DLGAP1: variants seen among roughly 807,000 people sequenced by gnomAD.
DLGAP1 encodes DLG associated protein 1.
In DLGAP1, 11 loss-of-function variants were observed where a neutral mutation model predicts 90.8. The observed-to-expected ratio is 0.12, with a 90% CI of 0.08 to 0.20. DLGAP1 has a LOEUF of 0.20. DLGAP1 is among the 10% of genes least tolerant of loss of function. The pLI, the probability that DLGAP1 is intolerant of heterozygous loss-of-function variation, is 1.00. For synonymous variants in DLGAP1, 558 were observed against 540.7 expected, an observed-to-expected ratio of 1.03 and a Z score of -0.44; for missense variants, 1,050 against 1,333.8, an observed-to-expected ratio of 0.79 and a Z score of 3.31.
chr18:3,894,962 G>A (rs1207070135), intron 3 of DLGAP1, among the ~76,000 whole-genome samples: 1 of 152,104 alleles, frequency 6.6e-6, no homozygotes, highest in Admixed American at 6.6e-5. Context: ...CTTATGTAAG[G>A]GAACTATACG....
intron 2 of DLGAP1, among the ~76,000 whole-genome samples, chr18:4,043,394 T>C (rs2075004143): frequency 6.6e-6 from 1 of 152,212 alleles, no homozygotes; most frequent in African/African-American, 2.4e-5. Flanking sequence ...TGGGCAGATG[T>C]CTTTCTGTAT....
At position 3,600,851 on chromosome 18, in the gene DLGAP1, T is replaced by G. The variant is rs1410400799; in HGVS notation, c.1592-18603A>C. On this transcript the variant is annotated intron_variant, in intron 7 of 12. Coordinates refer to ENST00000315677, the MANE Select transcript of DLGAP1 (RefSeq NM_004746.4). ...AGATATATATAGATATATATAGATA[T>G]ATAGATATATATAGATATATAGATA... Among the ~76,000 whole-genome samples, 17 of 69,566 alleles carry G rather than the reference T, an allele frequency of 2.4e-4. 2 individuals carry two copies. The highest frequency in any genetic ancestry group is 1.1e-3 in the African/African-American group (16 of 14,944). The allele number at this position is 69,566 out of a possible 152,430, so 45.6% of individuals were successfully genotyped here. A position where few individuals can be genotyped will look rare whatever the true frequency, so the allele number is the denominator to read the frequency against.
intron 7 of DLGAP1, among the ~76,000 whole-genome samples, chr18:3,625,324 T>C (rs1656794906): frequency 6.6e-6 from 1 of 152,152 alleles, no homozygotes; most frequent in African/African-American, 2.4e-5. Flanking sequence ...TGAGAGGTTG[T>C]GTGTGTGTTT....
chr18:4,214,033 C>T (rs755346868), intron 1 of DLGAP1, among the ~76,000 whole-genome samples: 1 of 151,960 alleles, frequency 6.6e-6, no homozygotes, highest in African/African-American at 2.4e-5. Context: ...GAGGAGTCAT[C>T]GCTACAGAAG....
chr18:3,566,565 G>C (rs746057372), intron 9 of DLGAP1, among the ~76,000 whole-genome samples: 2 of 151,934 alleles, frequency 1.3e-5, no homozygotes, highest in South Asian at 4.2e-4. Context: ...TTCAGTTTAC[G>C]TTACATGTAG....
intron 1 of DLGAP1, among the ~76,000 whole-genome samples, chr18:4,377,490 TCTCA>T (rs1431764313): frequency 6.6e-6 from 1 of 152,200 alleles, no homozygotes; most frequent in African/African-American, 2.4e-5. Context: ...TGTATTTTGA[TCTCA>T]CTGAGATGAA....
rs540032966 is a variant in DLGAP1, at chr18:4,058,730, C to A, written c.-158-53529G>T. ...TTCTCCCACTTCCTCCTGTAGCCTC[C>A]GTTTCTCTAATAATGTCCATGCCCT... On this transcript the variant is annotated intron_variant, in intron 2 of 12. Transcript: ENST00000315677. 1.2e-4 allele frequency among the ~76,000 whole-genome samples: 19 copies of A among 152,286 alleles called. No individual in the cohort carries two copies. In the South Asian group the frequency reaches 3.7e-3, roughly 30 times the overall value.
intron 2 of DLGAP1, among the ~76,000 whole-genome samples, chr18:4,006,588 C>A (rs573586153): frequency 2.6e-5 from 4 of 151,692 alleles, no homozygotes; most frequent in Non-Finnish European, 5.9e-5. Flanking sequence ...AACTTATCAA[C>A]CCTTTTGAGT....
intron 1 of DLGAP1, among the ~76,000 whole-genome samples, chr18:4,258,147 C>T (rs1371269355): frequency 6.6e-6 from 1 of 152,190 alleles, no homozygotes; most frequent in Non-Finnish European, 1.5e-5. Context: ...AGTGATCCTC[C>T]TGCCTCAGCT....
At chr18:3,848,126 TC>T (rs2069118972) in intron 4 of DLGAP1, among the ~76,000 whole-genome samples, 1 of 10,528 alleles carries the variant, frequency 9.5e-5, no homozygotes, top group Non-Finnish European at 1.5e-4. Flanking sequence ...AGGCCCCGTC[TC>T]AAAAAAAAAA....
In DLGAP1 at chr18:4,312,995, A is replaced by G. The variant is rs186123115; in HGVS notation, c.-267+142011T>C. Among the ~76,000 whole-genome samples, 4 of 152,266 alleles carry G rather than the reference A, an allele frequency of 2.6e-5. No individual in the cohort carries two copies. The East Asian group carries it at 7.7e-4, about 29-fold the overall frequency. ...CTTTGCTTTTCCATATTGTGTCCTC[A>G]TTTTACTTACTTCTTAGCCTTATTA... is the stretch of plus-strand genomic sequence containing the variant. On this transcript the variant is annotated intron_variant, in intron 1 of 12. Transcript: ENST00000315677.
chr18:3,772,358 T>TTCTTTCTCTCTC (rs1568108824), intron 5 of DLGAP1, among the ~76,000 whole-genome samples: 1 of 4,410 alleles, frequency 2.3e-4, no homozygotes, highest in African/African-American at 5.3e-4. Flanking sequence ...CTTTCTTTCT[T>TTCTTTCTCTCTC]TCTTTCTTTC....
intron 7 of DLGAP1, among the ~76,000 whole-genome samples, chr18:3,620,484 A>G (rs1329557554): frequency 6.6e-6 from 1 of 152,180 alleles, no homozygotes; most frequent in Non-Finnish European, 1.5e-5. Context: ...TGGTGACAGC[A>G]GCAATAGGAA....
chr18:4,206,723 A>G (rs918537715), intron 1 of DLGAP1, among the ~76,000 whole-genome samples: 1 of 152,158 alleles, frequency 6.6e-6, no homozygotes, highest in Non-Finnish European at 1.5e-5. Flanking sequence ...CCACATCACA[A>G]AGAAAATAGA....
Position 3,502,702 on chromosome 18 carries a change from G to A in DLGAP1, c.2572-57C>T, listed in dbSNP as rs989494011. On this transcript the variant is annotated intron_variant, in intron 11 of 12. Transcript: ENST00000315677. ...TAGAAGCAATTCTTGACAAGCACAG[G>A]GCCAAAAAGGCATTTTCAAATATTT... 17 of 1,543,144 alleles carry A rather than the reference G, an allele frequency of 1.1e-5. No individual in the cohort carries two copies. The African/African-American group carries it at 1.8e-4, about 16-fold the overall frequency.
intron 7 of DLGAP1, among the ~76,000 whole-genome samples, chr18:3,700,602 T>C (rs368243151): frequency 5.9e-5 from 9 of 151,710 alleles, no homozygotes; most frequent in African/African-American, 1.7e-4. Context: ...TTTTATTTTA[T>C]TTTTTTAAAA....
At chr18:4,376,867 A>C (rs1366581394) in intron 1 of DLGAP1, among the ~76,000 whole-genome samples, 1 of 152,250 alleles carries the variant, frequency 6.6e-6, no homozygotes, top group East Asian at 1.9e-4. Context: ...TGGGGCACTA[A>C]ACTATCAACC....
At chr18:3,709,882 A>C (rs2061548460) in intron 7 of DLGAP1, among the ~76,000 whole-genome samples, 1 of 152,188 alleles carries the variant, frequency 6.6e-6, no homozygotes, top group Non-Finnish European at 1.5e-5. Context: ...CAGCATGGGC[A>C]TAAGGGTATG....
rs529032963 is a variant in DLGAP1 at position 3,517,087 on chromosome 18, T to C, written c.2480-8426A>G. On this transcript the variant is annotated intron_variant, in intron 10 of 12. Transcript: ENST00000315677. The surrounding 1 kb of genome is among the most constrained non-coding windows in gnomAD (Gnocchi z 4.1). ...CAGTAAACCATGCTGTGAATAGAGA[T>C]ACTCTCATCTAGGCTCTGTTGTTCT... Among the ~76,000 whole-genome samples the C allele has an allele frequency of 9.8e-5, 15 of 152,362 alleles. No individual in the cohort carries two copies. Among genetic ancestry groups the C allele is most frequent in the African/African-American group, 3.6e-4 (15 of 41,586 alleles).
Sources: gnomAD v4.1 joint callset for allele counts (sites outside exome capture counted in the v4.1 genomes callset) on GRCh38, gnomAD v4.1.1 for gene constraint, Gnocchi (gnomAD v3.1) non-coding constraint, MANE v1.5 for transcripts, NCBI Gene and HGNC (gene_info 2026-07-23, HGNC 2026-07-21) for gene names.